ESRRG: variants seen among roughly 807,000 people sequenced by gnomAD.
The protein encoded by ESRRG is estrogen related receptor gamma, also known as estrogen-related receptor gamma.
A neutral mutation model predicts 44.0 loss-of-function variants in ESRRG; 13 were observed. The observed-to-expected ratio is 0.30, with a 90% CI of 0.19 to 0.47. ESRRG has a LOEUF of 0.47. ESRRG is among the 20% of genes least tolerant of loss of function. The probability of loss-of-function intolerance (pLI) is 1.00; values close to 1 mark genes in which losing one functional copy is unlikely to be tolerated. For synonymous variants in ESRRG, 215 were observed against 214.6 expected (o/e 1.00, Z -0.02); for missense variants, 395 against 580.6 (o/e 0.68, Z 3.29).
chr1:216,619,643 T>G (rs762783610), intron 3 of ESRRG, among the ~76,000 whole-genome samples: 1 of 152,154 alleles, frequency 6.6e-6, no homozygotes, highest in South Asian at 2.1e-4. Flanking sequence ...AGACCACAAG[T>G]AATATATGGG....
intron 2 of ESRRG, among the ~76,000 whole-genome samples, chr1:216,761,022 C>T (rs1420293329): frequency 1.3e-5 from 2 of 151,950 alleles, no homozygotes; most frequent in Non-Finnish European, 2.9e-5. Context: ...TCTAGCAGCC[C>T]CAACCCACTG....
chr1:217,020,930 A>G (rs2150917211), intron 1 of ESRRG, among the ~76,000 whole-genome samples: 1 of 152,228 alleles, frequency 6.6e-6, no homozygotes, highest in South Asian at 2.1e-4. Flanking sequence ...AATGCCACTC[A>G]TTAAACCCAG....
chr1:216,769,502 C>T (rs1044655076), intron 2 of ESRRG, among the ~76,000 whole-genome samples: 7 of 151,962 alleles, frequency 4.6e-5, no homozygotes, highest in Non-Finnish European at 1.0e-4. Flanking sequence ...AAACTATGGG[C>T]ATAGTTACAG....
chr1:216,946,592 G>C (rs1337582961), intron 1 of ESRRG, among the ~76,000 whole-genome samples: 1 of 152,174 alleles, frequency 6.6e-6, no homozygotes, highest in Non-Finnish European at 1.5e-5. Flanking sequence ...AGGATATACA[G>C]CCATTGGTCT....
At chr1:216,643,444 T>C (rs1369261080) in intron 3 of ESRRG, among the ~76,000 whole-genome samples, 3 of 152,174 alleles carry the variant, frequency 2.0e-5, no homozygotes, top group Non-Finnish European at 2.9e-5. Context: ...TGTTAATCTA[T>C]GAGTCAGAGA....
intron 1 of ESRRG, among the ~76,000 whole-genome samples, chr1:217,102,276 CAAGT>C (rs1271713103): frequency 1.3e-5 from 2 of 152,168 alleles, no homozygotes; most frequent in African/African-American, 2.4e-5. Context: ...GTTCAATCAG[CAAGT>C]AAGTGTGGGA....
At chr1:216,831,484 G>C (rs2095486442) in intron 2 of ESRRG, among the ~76,000 whole-genome samples, 1 of 149,812 alleles carries the variant, frequency 6.7e-6, no homozygotes, top group Non-Finnish European at 1.5e-5. Flanking sequence ...TTCAACGGGG[G>C]GAGGAAAGAG....
intron 1 of ESRRG, among the ~76,000 whole-genome samples, chr1:217,063,654 A>G (rs2089031506): frequency 6.6e-6 from 1 of 152,182 alleles, no homozygotes; most frequent in Admixed American, 6.5e-5. Flanking sequence ...AGCTATCCTG[A>G]GGCAGAAGAG....
chr1:216,887,557 TG>T (rs757419964), intron 2 of ESRRG, among the ~76,000 whole-genome samples: 1 of 152,320 alleles, frequency 6.6e-6, no homozygotes, highest in East Asian at 1.9e-4. Context: ...CTTAAAGTGA[TG>T]ATGATTGTTT....
chr1:216,661,062 G>T (rs891225794), intron 2 of ESRRG, among the ~76,000 whole-genome samples: 1 of 152,114 alleles, frequency 6.6e-6, no homozygotes, highest in Non-Finnish European at 1.5e-5. Flanking sequence ...TGAAAATGAT[G>T]GAGAATATAA....
intron 5 of ESRRG, among the ~76,000 whole-genome samples, chr1:216,523,763 T>G (rs758513304): frequency 3.3e-5 from 5 of 151,948 alleles, no homozygotes; most frequent in Admixed American, 2.6e-4. Context: ...GCATTTTAAA[T>G]CTTCAGGGCA....
intron 2 of ESRRG, among the ~76,000 whole-genome samples, chr1:216,663,532 T>G (rs1185637696): frequency 6.6e-6 from 1 of 152,286 alleles, no homozygotes; most frequent in Non-Finnish European, 1.5e-5. Flanking sequence ...GCCCTTTTTT[T>G]AAGTCTGCTC....
intron 2 of ESRRG, among the ~76,000 whole-genome samples, chr1:216,876,564 T>C (rs1338115117): frequency 6.6e-6 from 1 of 152,154 alleles, no homozygotes; most frequent in African/African-American, 2.4e-5. Context: ...TACTTTTTAT[T>C]TGTTTTTTCA....
chr1:216,554,464 AAC>A (rs1355035495), intron 5 of ESRRG, among the ~76,000 whole-genome samples: 19 of 147,110 alleles, frequency 1.3e-4, no homozygotes, highest in African/African-American at 4.6e-4. Context: ...AAAAAAAAAA[AAC>A]AAACCAAAGA....
intron 2 of ESRRG, among the ~76,000 whole-genome samples, chr1:216,776,920 A>T (rs2093636009): frequency 6.6e-6 from 1 of 152,156 alleles, no homozygotes; most frequent in African/African-American, 2.4e-5. Context: ...GCATGTGCTA[A>T]GGAGAGGACC....
chr1:217,042,097 C>G (rs1057041285), intron 1 of ESRRG, among the ~76,000 whole-genome samples: 1 of 152,150 alleles, frequency 6.6e-6, no homozygotes, highest in African/African-American at 2.4e-5. Flanking sequence ...TGGGCTTGCT[C>G]TAACCATAGA....
At chr1:216,508,385 G>A (rs1448883148) in intron 6 of ESRRG, among the ~76,000 whole-genome samples, 1 of 152,088 alleles carries the variant, frequency 6.6e-6, no homozygotes. Context: ...ACATTAGGTA[G>A]TTTAATGACA....
intron 1 of ESRRG, among the ~76,000 whole-genome samples, chr1:217,010,785 C>A (rs1407410131): frequency 1.3e-5 from 2 of 152,094 alleles, no homozygotes; most frequent in Non-Finnish European, 2.9e-5. Flanking sequence ...AAAACAATGA[C>A]CTTGAATGGA....
chr1:216,895,254 A>G (rs2058284837), intron 2 of ESRRG, among the ~76,000 whole-genome samples: 1 of 152,176 alleles, frequency 6.6e-6, no homozygotes, highest in African/African-American at 2.4e-5. Context: ...TGTGTGAGGA[A>G]AATTACTTAG....
Sources: allele counts gnomAD v4.1 joint callset (sites outside exome capture counted in the v4.1 genomes callset), GRCh38; gene constraint gnomAD v4.1.1; transcripts MANE v1.5; gene names NCBI Gene and HGNC (gene_info 2026-07-23, HGNC 2026-07-21).